GON4L: variants seen among roughly 807,000 people sequenced by gnomAD.
GON4L encodes GON-4-like protein.
In GON4L, 87 loss-of-function variants were observed where a neutral mutation model predicts 211.8. That is an observed-to-expected ratio of 0.41 (90% CI 0.35 to 0.49). The LOEUF (loss-of-function observed/expected upper bound fraction) is 0.49, where lower values mean the gene tolerates loss of function less well. Among genes scored for constraint, GON4L ranks in the 20% least tolerant of loss-of-function variants. GON4L has a pLI of 0.15. For synonymous variants in GON4L, 875 were observed against 962.6 expected (o/e 0.91, Z 1.68); for missense variants, 2,155 against 2,659.5 (o/e 0.81, Z 4.17).
intron 14 of GON4L, among the ~76,000 whole-genome samples, chr1:155,781,150 A>T (rs1247213614): frequency 1.3e-5 from 2 of 149,902 alleles, no homozygotes; most frequent in Admixed American, 1.3e-4. Flanking sequence ...TATTACTATT[A>T]TTTTTTTTTG....
intron 6 of GON4L, among the ~76,000 whole-genome samples, chr1:155,818,003 C>T (rs957580180): frequency 4.0e-5 from 6 of 151,832 alleles, no homozygotes; most frequent in African/African-American, 1.5e-4. Context: ...TAAACTATAC[C>T]GTCTTGGATG....
chr1:155,806,441 C>T (rs2102093748), intron 10 of GON4L, among the ~76,000 whole-genome samples: 1 of 152,112 alleles, frequency 6.6e-6, no homozygotes, highest in South Asian at 2.1e-4. Context: ...TGGATCCATA[C>T]TCAGCTAATT....
chr1:155,798,096 T>TA (rs895437975), intron 11 of GON4L, among the ~76,000 whole-genome samples: 99 of 147,652 alleles, frequency 6.7e-4, no homozygotes, highest in Non-Finnish European at 7.1e-4. Context: ...CAAATATATA[T>TA]TTTTTATATA....
At chr1:155,762,929 A>AG (rs1661985934) in intron 22 of GON4L, among the ~76,000 whole-genome samples, 1 of 152,004 alleles carries the variant, frequency 6.6e-6, no homozygotes, top group Admixed American at 6.6e-5. Flanking sequence ...CCAGCTACTC[A>AG]GGAGGGTGAG....
At chr1:155,777,857 T>A in intron 14 of GON4L, 37 bp from the exon 15 acceptor site, 1 of 1,279,394 alleles carries the variant, frequency 7.8e-7, no homozygotes, top group Non-Finnish European at 1.1e-6. Flanking sequence ...TTTGAGTGTT[T>A]CCGTAGGTCC....
chr1:155,775,196 A>G (rs1663654430), intron 16 of GON4L, 23 bp from the exon 17 acceptor site: 1 of 1,614,198 alleles, frequency 6.2e-7, no homozygotes, highest in African/African-American at 1.3e-5. Context: ...GACACAAGAA[A>G]GATTTAAGAC....
At chr1:155,762,598 T>C (rs1256171774) in intron 22 of GON4L, among the ~76,000 whole-genome samples, 1 of 152,254 alleles carries the variant, frequency 6.6e-6, no homozygotes, top group Non-Finnish European at 1.5e-5. Flanking sequence ...AATCAGCTAC[T>C]TCATATTGAG....
At chr1:155,835,833 G>C (rs1670241907) in intron 2 of GON4L, among the ~76,000 whole-genome samples, 1 of 152,198 alleles carries the variant, frequency 6.6e-6, no homozygotes, top group Non-Finnish European at 1.5e-5. Flanking sequence ...GCGAAGCCAA[G>C]AATGCTCCTG....
At chr1:155,823,092 G>C (rs937554196) in intron 3 of GON4L, among the ~76,000 whole-genome samples, 2 of 152,086 alleles carry the variant, frequency 1.3e-5, no homozygotes, top group African/African-American at 4.8e-5. Context: ...ACCACGCCCG[G>C]CTAATTTTGT....
chr1:155,821,025 G>A (rs1406081205), intron 5 of GON4L, among the ~76,000 whole-genome samples: 1 of 152,110 alleles, frequency 6.6e-6, no homozygotes, highest in Non-Finnish European at 1.5e-5. Flanking sequence ...CCAGCACTTT[G>A]GGAGGCCGAG....
intron 2 of GON4L, among the ~76,000 whole-genome samples, chr1:155,839,322 G>A (rs772662459): frequency 7.2e-5 from 11 of 152,070 alleles, no homozygotes; most frequent in Non-Finnish European, 1.6e-4. Context: ...ATATGGTATT[G>A]TTCTAGAGTA....
intron 19 of GON4L, among the ~76,000 whole-genome samples, chr1:155,770,366 C>T (rs1663069762): frequency 6.6e-6 from 1 of 152,126 alleles, no homozygotes; most frequent in Non-Finnish European, 1.5e-5. Context: ...AGCATCTCCA[C>T]ACAAAATAAA....
At chr1:155,751,274 G>C (rs965026197) in intron 31 of GON4L, among the ~76,000 whole-genome samples, 3 of 152,126 alleles carry the variant, frequency 2.0e-5, no homozygotes, top group Non-Finnish European at 2.9e-5. Context: ...TCCTGGCCGG[G>C]CGCAGTATCT....
At chr1:155,764,024 A>C (rs1486543651) in intron 21 of GON4L, among the ~76,000 whole-genome samples, 2 of 6,410 alleles carry the variant, frequency 3.1e-4, no homozygotes, top group African/African-American at 3.2e-4. Flanking sequence ...AAAAACAAAC[A>C]AAAAAAAAAC....
At chr1:155,805,742 T>C (rs1286703924) in intron 10 of GON4L, among the ~76,000 whole-genome samples, 1 of 151,952 alleles carries the variant, frequency 6.6e-6, no homozygotes, top group Non-Finnish European at 1.5e-5. Flanking sequence ...CAGGCTAGAA[T>C]GCAGTGGTGC....
At chr1:155,794,564 A>G (rs905868968) in intron 12 of GON4L, among the ~76,000 whole-genome samples, 1 of 152,086 alleles carries the variant, frequency 6.6e-6, no homozygotes, top group Non-Finnish European at 1.5e-5. Context: ...CTCTGTCCCT[A>G]TTCACCAAAT....
chr1:155,762,071 G>C, intron 23 of GON4L, 119 bp downstream of exon 23: 1 of 727,596 alleles, frequency 1.4e-6, no homozygotes, highest in East Asian at 2.7e-5. Context: ...AGCCAAGATA[G>C]AGGAATATGA....
At chr1:155,760,695 AATAAGGGT>A in intron 23 of GON4L, 54 bp from the exon 24 acceptor site, 1 of 1,217,840 alleles carries the variant, frequency 8.2e-7, no homozygotes, top group Admixed American at 1.7e-5. Flanking sequence ...CACAACAAGC[AATAAGGGT>A]ACAAGGGAGA....
At chr1:155,824,745 A>C (rs1443953527) in intron 3 of GON4L, among the ~76,000 whole-genome samples, 1 of 149,848 alleles carries the variant, frequency 6.7e-6, no homozygotes, top group Non-Finnish European at 1.5e-5. Flanking sequence ...CTCTGGTTCA[A>C]AACAAAGACT....
Sources: allele counts gnomAD v4.1 joint callset (sites outside exome capture counted in the v4.1 genomes callset), GRCh38; gene constraint gnomAD v4.1.1; transcripts MANE v1.5; gene names NCBI Gene and HGNC (gene_info 2026-07-23, HGNC 2026-07-21).